The following LVRN variants were observed in gnomAD, a reference collection of about 807,000 sequenced individuals.
LVRN encodes the protein aminopeptidase Q.
LVRN carries 99 observed loss-of-function variants against 111.4 expected under a neutral mutation model. The observed-to-expected ratio is 0.89, with a 90% CI of 0.76 to 1.05. The LOEUF is 1.05. Ranked by LOEUF, LVRN falls within the 50% of genes least tolerant of loss-of-function variation. LVRN has a pLI of 0.00. For missense variants in LVRN, 1,414 were observed against 1,206.8 expected (o/e 1.17, Z -2.54); for synonymous variants, 488 against 449.5 (o/e 1.09, Z -1.08).
At chr5:115,982,453 A>C (rs1187540049) in intron 1 of LVRN, among the ~76,000 whole-genome samples, 1 of 152,208 alleles carries the variant, frequency 6.6e-6, no homozygotes, top group East Asian at 1.9e-4. Flanking sequence ...CACAGTTGTC[A>C]TCTAAAGACG....
At chr5:116,021,111 G>A (rs1748719697) in intron 18 of LVRN, 2 of 152,128 alleles carry the variant, frequency 1.3e-5, no homozygotes, top group African/African-American at 4.8e-5. Flanking sequence ...AATCTAATAG[G>A]TGCTTCCATA....
At chr5:115,980,284 G>A (rs1039620713) in intron 1 of LVRN, among the ~76,000 whole-genome samples, 7 of 152,024 alleles carry the variant, frequency 4.6e-5, no homozygotes, top group Admixed American at 4.6e-4. Context: ...AAACACCACT[G>A]TGAGGTTCTC....
rs1455286074 is a variant in LVRN, at chr5:115,984,782, C to T, written c.978+73C>T. 2.5e-6 allele frequency: 4 copies of T among 1,574,306 alleles called. No individual in the cohort carries two copies. The African/African-American group carries it at 4.0e-5, about 16-fold the overall frequency. On this transcript the variant is annotated intron_variant, in intron 3 of 19. Transcript: ENST00000357872. ...ATTATTCATCTATTCTTTCTGCATC[C>T]AGTGGTTATGGCTGCATATCCCCAA...
intron 1 of LVRN, among the ~76,000 whole-genome samples, chr5:115,972,731 G>T (rs74736468): frequency 0.06 from 9,009 of 151,302 alleles, 307 homozygotes; most frequent in Middle Eastern, 0.097. Context: ...TTTCCTATAA[G>T]GTTTTTTTTG....
rs767506363 is a variant in LVRN, at chr5:116,010,716, G to C, written c.2094-25G>C. ...TACTTAGCAAGTGAAGGTTTTTTGAGTGTGTGTGTTTTTAAATCAAACAGA... is the reference window on the plus strand; with the variant it reads ...TACTTAGCAAGTGAAGGTTTTTTGACTGTGTGTGTTTTTAAATCAAACAGA... On this transcript the variant is annotated intron_variant, in intron 13 of 19. Coordinates refer to ENST00000357872, the MANE Select transcript of LVRN (RefSeq NM_173800.5). The C allele has an allele frequency of 3.2e-6, 5 of 1,572,580 alleles. No homozygotes were observed. The South Asian group carries it at 5.9e-5, about 19-fold the overall frequency.
intron 13 of LVRN, among the ~76,000 whole-genome samples, chr5:116,009,184 A>G (rs192149076): frequency 6.6e-6 from 1 of 152,320 alleles, no homozygotes; most frequent in African/African-American, 2.4e-5. Flanking sequence ...GTGGAAAAAC[A>G]AAGCCTGGAT....
At chr5:115,971,545 G>C (rs1378856703) in intron 1 of LVRN, among the ~76,000 whole-genome samples, 1 of 152,066 alleles carries the variant, frequency 6.6e-6, no homozygotes, top group Non-Finnish European at 1.5e-5. Context: ...ACATTCAACT[G>C]TACCACTGCC....
intron 3 of LVRN, 108 bp from the exon 4 acceptor site, chr5:115,987,705 T>C: frequency 7.5e-7 from 1 of 1,328,406 alleles, no homozygotes; most frequent in Non-Finnish European, 1.0e-6. Flanking sequence ...CAGCTTCTTC[T>C]GGAAAGGTAA....
chr5:116,019,307 CT>C (rs1487005811), intron 18 of LVRN, among the ~76,000 whole-genome samples: 1 of 152,190 alleles, frequency 6.6e-6, no homozygotes, highest in African/African-American at 2.4e-5. Context: ...TTTGTAGCTC[CT>C]TTTTAATCTT....
chr5:115,986,656 C>G (rs1325711531), intron 3 of LVRN, among the ~76,000 whole-genome samples: 2 of 152,072 alleles, frequency 1.3e-5, no homozygotes, highest in Non-Finnish European at 2.9e-5. Flanking sequence ...AGAGTCCAGC[C>G]CATTTACAAA....
intron 3 of LVRN, among the ~76,000 whole-genome samples, chr5:115,986,446 A>G (rs766038514): frequency 6.6e-6 from 1 of 152,170 alleles, no homozygotes; most frequent in Non-Finnish European, 1.5e-5. Flanking sequence ...TCTGTGAAAG[A>G]TCACCCCGAA....
intron 19 of LVRN, chr5:116,023,304 C>T (rs2221677): frequency 0.88 from 134,508 of 152,296 alleles, 60,174 homozygotes; most frequent in African/African-American, 0.95. Flanking sequence ...TTCTAGGTTC[C>T]TACCATTTCC....
chr5:115,976,364 C>T (rs1244277909), intron 1 of LVRN: 1 of 152,162 alleles, frequency 6.6e-6, no homozygotes. Flanking sequence ...CAAGATTTAT[C>T]TATTTTACTA....
At chr5:116,017,529 C>G (rs1271167342) in intron 18 of LVRN, among the ~76,000 whole-genome samples, 1 of 152,066 alleles carries the variant, frequency 6.6e-6, no homozygotes, top group Non-Finnish European at 1.5e-5. Context: ...CATTACTGTC[C>G]TTTGTCCTTT....
chr5:116,014,392 A>T, intron 15 of LVRN, 28 bp from the exon 16 acceptor site: 1 of 1,541,684 alleles, frequency 6.5e-7, no homozygotes, highest in African/African-American at 1.4e-5. Flanking sequence ...TGCAAAATAA[A>T]CTGTTTTTCT....
intron 18 of LVRN, among the ~76,000 whole-genome samples, chr5:116,017,307 T>C (rs1398211501): frequency 1.3e-5 from 2 of 152,182 alleles, no homozygotes; most frequent in Non-Finnish European, 2.9e-5. Flanking sequence ...TTGAATATCA[T>C]GTGAAGCAGT....
intron 1 of LVRN, among the ~76,000 whole-genome samples, chr5:115,976,743 C>T (rs188262151): frequency 5.9e-5 from 9 of 152,262 alleles, no homozygotes; most frequent in Non-Finnish European, 8.8e-5. Flanking sequence ...TCAGCATCTT[C>T]TCATTTTTTA....
Position 115,979,361 on chromosome 5 carries a change from C to G in LVRN, c.696-3926C>G, listed in dbSNP as rs186221520. Among the ~76,000 whole-genome samples, 452 of 152,296 alleles carry G rather than the reference C, an allele frequency of 3.0e-3. 4 individuals are homozygous for G. Among genetic ancestry groups the G allele is most frequent in the Non-Finnish European group, 4.5e-3 (305 of 68,024 alleles). ...CTTTCACTGCTCTCTGAGGGATTCTCTCCTCCAAGCCCATAGTTAGAAGGT... is the reference window on the plus strand; with the variant it reads ...CTTTCACTGCTCTCTGAGGGATTCTGTCCTCCAAGCCCATAGTTAGAAGGT... On this transcript the variant is annotated intron_variant, in intron 1 of 19. Transcript: ENST00000357872.
Position 116,010,492 on chromosome 5 carries a change from C to T in LVRN, c.2094-249C>T, listed in dbSNP as rs979908550. 5.5e-6 allele frequency: 3 copies of T among 545,120 alleles called. No individual in the cohort carries two copies. In the African/African-American group the frequency reaches 5.6e-5, roughly 10 times the overall value. 33.8% of individuals were successfully genotyped at this position (545,120 alleles called of 1,614,324 possible). On this transcript the variant is annotated intron_variant, in intron 13 of 19. Coordinates refer to ENST00000357872, the MANE Select transcript of LVRN (RefSeq NM_173800.5). ...TTCTATTTCCTAATAATCAGTCCAA[C>T]ATTTGGCCTGAATTTTCTCTAGCCT...
Sources: gnomAD v4.1 joint callset for allele counts (sites outside exome capture counted in the v4.1 genomes callset) on GRCh38, gnomAD v4.1.1 for gene constraint, MANE v1.5 for transcripts, NCBI Gene and HGNC (gene_info 2026-07-23, HGNC 2026-07-21) for gene names.